XCR1: variants seen among roughly 807,000 people sequenced by gnomAD.
XCR1 encodes the protein chemokine XC receptor 1.
For missense variants in XCR1, 356 were observed against 424.2 expected, an observed-to-expected ratio of 0.84 and a Z score of 1.41; for synonymous variants, 187 against 188.5, an observed-to-expected ratio of 0.99 and a Z score of 0.06.
chr3:46,041,709 T>G (rs13086534), intron 5 of XCR1, among the ~76,000 whole-genome samples: 33,721 of 152,080 alleles, frequency 0.22, 5,133 homozygotes, highest in African/African-American at 0.42. Context: ...CTTACATTTG[T>G]TTTAGCTGAG....
Position 46,020,860 on chromosome 3 carries a change from G to T in XCR1, c.*86C>A. 6.6e-7 allele frequency: 1 copy of T among 1,504,584 alleles called. No individual in the cohort carries two copies. Among genetic ancestry groups the T allele is most frequent in the Non-Finnish European group, 8.9e-7 (1 of 1,127,000 alleles). 93.2% of individuals were successfully genotyped at this position (1,504,584 alleles called of 1,614,324 possible). On this transcript the variant is annotated 3_prime_UTR_variant, in exon 2 of 2. Coordinates refer to ENST00000309285, the MANE Select transcript of XCR1 (RefSeq NM_001024644.2). ...AGACGTCTCCACCCTGCTGTGTTCT[G>T]CAATGCTCCTTCCAGGCCCGCTTCT... is the stretch of plus-strand genomic sequence containing the variant.
rs372964592 is a variant in XCR1, at chr3:46,020,600, T to G, written c.*346A>C. On this transcript the variant is annotated 3_prime_UTR_variant, in exon 2 of 2. Transcript: ENST00000309285. ...AATGAGCTTTAGGCCCTGTAAAGTC[T>G]CCAAGGAAGCACCTTTCCCAGAATC... 17 of 295,462 alleles carry G rather than the reference T, an allele frequency of 5.8e-5. No individual in the cohort carries two copies. Among genetic ancestry groups the G allele is most frequent in the East Asian group, 4.5e-4 (6 of 13,188 alleles). 18.3% of individuals were successfully genotyped at this position (295,462 alleles called of 1,614,324 possible).
intron 1 of XCR1, among the ~76,000 whole-genome samples, chr3:46,023,138 G>T (rs1165516839): frequency 1.3e-5 from 2 of 152,188 alleles, no homozygotes; most frequent in East Asian, 3.9e-4. Flanking sequence ...TCGCGGCGGC[G>T]GCGCAGGGGG....
upstream of XCR1, among the ~76,000 whole-genome samples, chr3:46,028,900 A>G (rs1039073625): frequency 6.6e-6 from 1 of 152,006 alleles, no homozygotes; most frequent in Admixed American, 6.5e-5. Flanking sequence ...CCTGTTTTTA[A>G]CTTTCACGAA....
intron 3 of XCR1, among the ~76,000 whole-genome samples, chr3:46,067,894 G>C (rs958738113): frequency 1.3e-5 from 2 of 152,184 alleles, no homozygotes; most frequent in Non-Finnish European, 2.9e-5. Context: ...GGCTCAAGAG[G>C]GGAAAGTGTG....
intron 5 of XCR1, among the ~76,000 whole-genome samples, chr3:46,046,990 C>A (rs76785240): frequency 6.6e-6 from 1 of 151,928 alleles, no homozygotes; most frequent in Non-Finnish European, 1.5e-5. Flanking sequence ...AAAATGACAA[C>A]GCAATTGCTG....
intron 4 of XCR1, among the ~76,000 whole-genome samples, chr3:46,064,909 T>C (rs7633782): frequency 0.62 from 93,874 of 151,904 alleles, 32,384 homozygotes; most frequent in East Asian, 0.99. Flanking sequence ...CTGACCAACA[T>C]GGAGAAACCC....
intron 3 of XCR1, among the ~76,000 whole-genome samples, chr3:46,074,111 A>T (rs1371772490): frequency 6.6e-6 from 1 of 152,124 alleles, no homozygotes; most frequent in Non-Finnish European, 1.5e-5. Context: ...TATATCAGAG[A>T]TAACTTGCAC....
rs1005173479 is a variant in XCR1 at position 46,041,353 on chromosome 3, C to T, written c.-32+12567G>A. On this transcript the variant is annotated intron_variant, in intron 5 of 5. Coordinates refer to the XCR1 transcript ENST00000683768. ...TCTTGTTGCACTTTGTGTGAGTAAT[C>T]AGGCCAAGTAGAAGGGTCTGGAGCT... 7.9e-5 allele frequency among the ~76,000 whole-genome samples: 12 copies of T among 152,148 alleles called. No individual in the cohort carries two copies. In the East Asian group the frequency reaches 2.3e-3, roughly 29 times the overall value.
At chr3:46,067,927 G>C (rs977474621) in intron 3 of XCR1, among the ~76,000 whole-genome samples, 9 of 152,218 alleles carry the variant, frequency 5.9e-5, no homozygotes, top group African/African-American at 2.2e-4. Flanking sequence ...TGGTGGGAAA[G>C]GCAGAGGAGG....
intron 5 of XCR1, among the ~76,000 whole-genome samples, chr3:46,036,435 T>C (rs1450771345): frequency 6.6e-6 from 1 of 152,254 alleles, no homozygotes; most frequent in Non-Finnish European, 1.5e-5. Flanking sequence ...TGTGTTTATG[T>C]ATGTACATTT....
At chr3:46,047,990 A>G (rs1404431279) in intron 5 of XCR1, among the ~76,000 whole-genome samples, 3 of 152,238 alleles carry the variant, frequency 2.0e-5, no homozygotes, top group African/African-American at 7.2e-5. Context: ...ATGGTTGATT[A>G]GCACACCAGT....
intron 3 of XCR1, among the ~76,000 whole-genome samples, chr3:46,072,055 G>GA (rs1559494817): frequency 6.6e-6 from 1 of 152,126 alleles, no homozygotes; most frequent in Non-Finnish European, 1.5e-5. Flanking sequence ...CTTATATCTA[G>GA]AAAATACTAA....
At chr3:46,075,308 C>CAAAAA (rs56787185) in intron 2 of XCR1, among the ~76,000 whole-genome samples, 31 of 61,636 alleles carry the variant, frequency 5.0e-4, no homozygotes, top group African/African-American at 2.0e-3. Flanking sequence ...GCTCATAGAC[C>CAAAAA]AAAAAAAAAA....
chr3:46,072,727 A>G (rs1307966294), intron 3 of XCR1, among the ~76,000 whole-genome samples: 2 of 152,238 alleles, frequency 1.3e-5, no homozygotes, highest in African/African-American at 4.8e-5. Context: ...AATTCCTATC[A>G]TTAGAAAAAT....
exon 5 of XCR1, among the ~76,000 whole-genome samples, chr3:46,054,060 A>C (rs1033640096): frequency 1.3e-5 from 2 of 152,128 alleles, no homozygotes; most frequent in Non-Finnish European, 2.9e-5. Flanking sequence ...ACCCACATGG[A>C]CCTAGGGGGA....
At chr3:46,036,171 C>A (rs1033933124) in intron 5 of XCR1, among the ~76,000 whole-genome samples, 2 of 152,156 alleles carry the variant, frequency 1.3e-5, no homozygotes, top group Admixed American at 6.6e-5. Context: ...ATGGAGTTTC[C>A]TGTATCCAGG....
In XCR1 at chr3:46,043,178, T is replaced by C. The variant is rs61002718; in HGVS notation, c.-32+10742A>G. Among the ~76,000 whole-genome samples, 958 of 151,954 alleles carry C rather than the reference T, an allele frequency of 6.3e-3. 14 individuals are homozygous for C. The highest frequency in any genetic ancestry group is 0.022 in the African/African-American group (906 of 41,452). On this transcript the variant is annotated intron_variant, in intron 5 of 5. Coordinates refer to the XCR1 transcript ENST00000683768. ...CACCAGGGCCAGGTGTGGTGGCTTA[T>C]GCCTGTAACCCCAGCACTTTGGGAG...
At chr3:46,045,528 C>T (rs987487680) in intron 5 of XCR1, among the ~76,000 whole-genome samples, 17 of 152,014 alleles carry the variant, frequency 1.1e-4, no homozygotes, top group African/African-American at 4.1e-4. Flanking sequence ...ATGATCATAT[C>T]AATATAGATA....
Sources: gnomAD v4.1 joint callset for allele counts (sites outside exome capture counted in the v4.1 genomes callset) on GRCh38, gnomAD v4.1.1 for gene constraint, MANE v1.5 for transcripts, NCBI Gene and HGNC (gene_info 2026-07-23, HGNC 2026-07-21) for gene names.